Variants in RSU1 observed in about 807,000 individuals in gnomAD.
RSU1 encodes the protein Ras suppressor protein 1.
In RSU1, 26 loss-of-function variants were observed where a neutral mutation model predicts 31.1. That is an observed-to-expected ratio of 0.84 (90% CI 0.61 to 1.16). The LOEUF is 1.16. RSU1 is among the 50% of genes most tolerant of loss of function. The pLI is 0.00. For missense variants in RSU1, 320 were observed against 339.1 expected, an observed-to-expected ratio of 0.94 and a Z score of 0.44; for synonymous variants, 164 against 136.3, an observed-to-expected ratio of 1.20 and a Z score of -1.41.
intron 8 of RSU1, among the ~76,000 whole-genome samples, chr10:16,689,081 C>A (rs1447520486): frequency 3.3e-5 from 5 of 151,546 alleles, no homozygotes; most frequent in African/African-American, 1.2e-4. Flanking sequence ...AATTGTTTTT[C>A]TGTGGCTTAA....
intron 7 of RSU1, among the ~76,000 whole-genome samples, chr10:16,708,869 ATAGT>A (rs201359151): frequency 0.011 from 1,689 of 151,252 alleles, 36 homozygotes; most frequent in African/African-American, 0.037. Flanking sequence ...TCTTTTTCAG[ATAGT>A]TAATGAACCA....
intron 8 of RSU1, among the ~76,000 whole-genome samples, chr10:16,631,229 G>T (rs1174331652): frequency 6.6e-6 from 1 of 152,186 alleles, no homozygotes; most frequent in Non-Finnish European, 1.5e-5. Flanking sequence ...GCTCTTGCAT[G>T]ACAGCTGCAA....
rs1588663039 is a variant in RSU1, at chr10:16,592,383, G to C, written c.*1011C>G. On this transcript the variant is annotated 3_prime_UTR_variant, in exon 9 of 9. Coordinates refer to ENST00000345264, the MANE Select transcript of RSU1 (RefSeq NM_012425.4). ...TTTTCGTAGGTATCACTGTTGAAAAGAAGGAAAGCTGCCTATCACAGATGT... is the reference window on the plus strand; with the variant it reads ...TTTTCGTAGGTATCACTGTTGAAAACAAGGAAAGCTGCCTATCACAGATGT... The C allele has an allele frequency of 6.6e-6, 1 of 152,194 alleles. No individual in the cohort carries two copies. Among genetic ancestry groups the C allele is most frequent in the African/African-American group, 2.4e-5 (1 of 41,442 alleles). The allele number at this position is 152,194 out of a possible 1,614,324, so 9.4% of individuals were successfully genotyped here.
intron 2 of RSU1, among the ~76,000 whole-genome samples, chr10:16,810,500 C>T (rs1436623054): frequency 6.6e-6 from 1 of 152,090 alleles, no homozygotes; most frequent in Non-Finnish European, 1.5e-5. Context: ...GCTCTGAACT[C>T]GCCAGTGTGT....
chr10:16,702,774 T>C (rs1835819412), intron 7 of RSU1, among the ~76,000 whole-genome samples: 1 of 152,196 alleles, frequency 6.6e-6, no homozygotes, highest in African/African-American at 2.4e-5. Context: ...AATGCTGGAA[T>C]GAGTTAAGAC....
rs139514056 is a variant in RSU1, at chr10:16,606,269, A to G, written c.732-12773T>C. On this transcript the variant is annotated intron_variant, in intron 8 of 8. Coordinates refer to ENST00000345264, the MANE Select transcript of RSU1 (RefSeq NM_012425.4). ...AAGAACTAGTTGAAGATAGTAATTT[A>G]TAAGAGAATTTGGTTAAAATTAACA... Among the ~76,000 whole-genome samples, 246 of 152,328 alleles carry G rather than the reference A, an allele frequency of 1.6e-3. 1 individual carries two copies. The highest frequency in any genetic ancestry group is 5.7e-3 in the African/African-American group (235 of 41,570).
At chr10:16,741,556 G>T (rs1352142083) in intron 7 of RSU1, among the ~76,000 whole-genome samples, 2 of 152,140 alleles carry the variant, frequency 1.3e-5, no homozygotes, top group Non-Finnish European at 2.9e-5. Context: ...ATTCCAAGGA[G>T]AGAGCAAAGA....
intron 8 of RSU1, among the ~76,000 whole-genome samples, chr10:16,631,452 G>A (rs965455420): frequency 6.6e-6 from 1 of 152,258 alleles, no homozygotes; most frequent in South Asian, 2.1e-4. Flanking sequence ...CACAAGGAGG[G>A]GAAACACGGC....
intron 7 of RSU1, among the ~76,000 whole-genome samples, chr10:16,699,098 T>C (rs1423723811): frequency 3.3e-5 from 5 of 152,252 alleles, no homozygotes; most frequent in Admixed American, 3.3e-4. Context: ...AACCCAGGTA[T>C]AATGTCCGTG....
chr10:16,765,343 C>G (rs1279932543), intron 3 of RSU1, among the ~76,000 whole-genome samples: 1 of 152,166 alleles, frequency 6.6e-6, no homozygotes, highest in African/African-American at 2.4e-5. Context: ...AACACACACA[C>G]ACATACATAC....
At chr10:16,697,823 A>G (rs1835710775) in intron 7 of RSU1, among the ~76,000 whole-genome samples, 1 of 152,080 alleles carries the variant, frequency 6.6e-6, no homozygotes, top group Non-Finnish European at 1.5e-5. Flanking sequence ...TCCCCTAAAT[A>G]TCTTTCCTTC....
intron 7 of RSU1, among the ~76,000 whole-genome samples, chr10:16,747,948 G>A: frequency 6.6e-6 from 1 of 152,192 alleles, no homozygotes; most frequent in East Asian, 1.9e-4. Flanking sequence ...GCAGGAGGAT[G>A]GCTTGAGCCT....
At chr10:16,712,005 T>C (rs1304154110) in intron 7 of RSU1, among the ~76,000 whole-genome samples, 1 of 152,224 alleles carries the variant, frequency 6.6e-6, no homozygotes, top group Admixed American at 6.5e-5. Context: ...GTTTTGTACA[T>C]CTGTATGTTT....
At chr10:16,728,858 A>G (rs1211542076) in intron 7 of RSU1, among the ~76,000 whole-genome samples, 1 of 152,244 alleles carries the variant, frequency 6.6e-6, no homozygotes, top group African/African-American at 2.4e-5. Context: ...GGCACTCACT[A>G]GAAGCTGAGA....
chr10:16,665,695 G>A (rs147554699), intron 8 of RSU1, among the ~76,000 whole-genome samples: 1 of 152,140 alleles, frequency 6.6e-6, no homozygotes, highest in African/African-American at 2.4e-5. Context: ...TTTCCCCATG[G>A]AGATATCTTC....
chr10:16,621,389 G>A (rs1050626907), intron 8 of RSU1, among the ~76,000 whole-genome samples: 11 of 152,138 alleles, frequency 7.2e-5, no homozygotes, highest in South Asian at 4.2e-4. Context: ...TCTGTTTCCC[G>A]TACCCAGCCT....
intron 8 of RSU1, among the ~76,000 whole-genome samples, chr10:16,693,173 A>T (rs1835598541): frequency 6.6e-6 from 1 of 152,120 alleles, no homozygotes; most frequent in Non-Finnish European, 1.5e-5. Flanking sequence ...GGCTGATCTC[A>T]AACTCCTGAC....
At chr10:16,659,578 A>G (rs1293930263) in intron 8 of RSU1, among the ~76,000 whole-genome samples, 3 of 152,022 alleles carry the variant, frequency 2.0e-5, no homozygotes, top group Admixed American at 2.0e-4. Context: ...TGGGCTTTTT[A>G]TCCTGTTCCA....
At chr10:16,811,629 G>A (rs1257856556) in intron 2 of RSU1, among the ~76,000 whole-genome samples, 1 of 152,126 alleles carries the variant, frequency 6.6e-6, no homozygotes, top group African/African-American at 2.4e-5. Flanking sequence ...CATGCCAAAG[G>A]GGCTACACCT....
Sources: gnomAD v4.1 joint callset for allele counts (sites outside exome capture counted in the v4.1 genomes callset) on GRCh38, gnomAD v4.1.1 for gene constraint, MANE v1.5 for transcripts, NCBI Gene and HGNC (gene_info 2026-07-23, HGNC 2026-07-21) for gene names.